DDC: variants seen among roughly 807,000 people sequenced by gnomAD.
DDC encodes dopa decarboxylase, also known as aromatic-L-amino-acid decarboxylase.
Under a neutral mutation model 60.0 loss-of-function variants are expected in DDC, and 43 were observed. The ratio of observed to expected loss-of-function variants is 0.72; its 90% CI spans 0.56 to 0.92. The LOEUF (loss-of-function observed/expected upper bound fraction) is 0.92. Ranked by LOEUF, DDC falls within the 40% of genes least tolerant of loss-of-function variation. The pLI, the probability that DDC is intolerant of heterozygous loss-of-function variation, is 0.00. For synonymous variants in DDC, 232 were observed against 234.6 expected, an observed-to-expected ratio of 0.99 and a Z score of 0.10; for missense variants, 573 against 620.2, an observed-to-expected ratio of 0.92 and a Z score of 0.81.
chr7:50,478,123 G>A (rs2042688889), intron 10 of DDC, among the ~76,000 whole-genome samples: 1 of 152,070 alleles, frequency 6.6e-6, no homozygotes, highest in Non-Finnish European at 1.5e-5. Context: ...TGAAGTGGGA[G>A]GATCACTTGA....
intron 6 of DDC, among the ~76,000 whole-genome samples, chr7:50,518,020 G>A (rs754285677): frequency 3.3e-5 from 5 of 151,426 alleles, no homozygotes; most frequent in South Asian, 4.2e-4. Context: ...AGATGCTGGC[G>A]AACATGGTGA....
At chr7:50,556,334 A>G (rs1349147009) in intron 1 of DDC, among the ~76,000 whole-genome samples, 2 of 152,142 alleles carry the variant, frequency 1.3e-5, no homozygotes, top group African/African-American at 4.8e-5. Flanking sequence ...CCTTCTCTCT[A>G]TGTCCTCACA....
At chr7:50,488,434 G>C (rs2042931269) in intron 9 of DDC, among the ~76,000 whole-genome samples, 2 of 151,810 alleles carry the variant, frequency 1.3e-5, no homozygotes, top group Admixed American at 1.3e-4. Context: ...AATATTAAGT[G>C]GTATTTTTGG....
At chr7:50,535,554 C>T (rs1410238648) in intron 4 of DDC, among the ~76,000 whole-genome samples, 3 of 152,212 alleles carry the variant, frequency 2.0e-5, no homozygotes, top group Non-Finnish European at 4.4e-5. Flanking sequence ...TGAGCCTGGC[C>T]ACAGGGCCTG....
intron 6 of DDC, among the ~76,000 whole-genome samples, chr7:50,520,890 T>A (rs1030931436): frequency 6.7e-6 from 1 of 149,770 alleles, no homozygotes; most frequent in African/African-American, 2.5e-5. Flanking sequence ...AGAGTAAGAC[T>A]CTGTCTCAGA....
In DDC at chr7:50,553,351, TA is replaced by T. The variant is rs113133464; in HGVS notation, c.-28-9239del. Among the ~76,000 whole-genome samples, 271 of 152,306 alleles carry T rather than the reference TA, an allele frequency of 1.8e-3. 3 individuals carry two copies. Among genetic ancestry groups the T allele is most frequent in the African/African-American group, 6.2e-3 (257 of 41,566 alleles). ...CATAGTTTATGTCTCAGAAAACACG[TA>T]AGCTTTTGGGCCTGAGGCTCTGGCT... On this transcript the variant is annotated intron_variant, in intron 1 of 14. Transcript: ENST00000444124.
At chr7:50,553,466 TTTTCTTTTC>T (rs2045077006) in intron 1 of DDC, among the ~76,000 whole-genome samples, 1 of 146,972 alleles carries the variant, frequency 6.8e-6, no homozygotes, top group African/African-American at 2.5e-5. Flanking sequence ...TCTTTTTTTC[TTTTCTTTTC>T]TTTCTTTTCT....
At chr7:50,528,064 T>A (rs889322516) in intron 6 of DDC, 73 bp downstream of exon 6, 6 of 1,414,358 alleles carry the variant, frequency 4.2e-6, no homozygotes, top group Admixed American at 3.8e-5. Context: ...GCCCGGCTAA[T>A]TTTTTTTTGT....
chr7:50,529,039 G>C (rs1351221811), intron 5 of DDC, among the ~76,000 whole-genome samples, 169 bp downstream of exon 5: 1 of 152,152 alleles, frequency 6.6e-6, no homozygotes, highest in Non-Finnish European at 1.5e-5. Flanking sequence ...GATCTATCCA[G>C]TTCCCACCCA....
intron 1 of DDC, among the ~76,000 whole-genome samples, chr7:50,545,224 C>T (rs1181522164): frequency 6.6e-6 from 1 of 152,216 alleles, no homozygotes; most frequent in Non-Finnish European, 1.5e-5. Flanking sequence ...GCACATTCTC[C>T]ACTACGCTAC....
intron 8 of DDC, among the ~76,000 whole-genome samples, chr7:50,496,366 G>A (rs931499760): frequency 1.3e-5 from 2 of 152,122 alleles, no homozygotes; most frequent in Non-Finnish European, 2.9e-5. Context: ...TGGGATTACA[G>A]GTGTGAGCCA....
intron 9 of DDC, among the ~76,000 whole-genome samples, chr7:50,491,221 A>G (rs2042991166): frequency 6.6e-6 from 1 of 152,230 alleles, no homozygotes; most frequent in Admixed American, 6.5e-5. Flanking sequence ...TTATATACGT[A>G]AATCACTTTC....
chr7:50,465,642 G>C (rs2042378647), intron 13 of DDC, among the ~76,000 whole-genome samples: 1 of 152,210 alleles, frequency 6.6e-6, no homozygotes, highest in African/African-American at 2.4e-5. Context: ...AAAATGCTGG[G>C]ATTACAGGCG....
At chr7:50,512,216 C>A (rs2043599259) in intron 6 of DDC, among the ~76,000 whole-genome samples, 1 of 151,902 alleles carries the variant, frequency 6.6e-6, no homozygotes, top group South Asian at 2.1e-4. Flanking sequence ...ATGCTAACAC[C>A]AATGAAAATA....
In DDC at chr7:50,496,606, T is replaced by G. The variant is rs2043132668; in HGVS notation, c.877-1189A>C. 3.9e-5 allele frequency among the ~76,000 whole-genome samples: 6 copies of G among 152,164 alleles called. No individual in the cohort carries two copies. In the South Asian group the frequency reaches 1.2e-3, roughly 32 times the overall value. On this transcript the variant is annotated intron_variant, in intron 8 of 14. Transcript: ENST00000444124. ...CTGAGCTGTCATAAATGGTGCTTTC[T>G]TTTTCAAATGCATGTCCTGGTTTAT...
chr7:50,487,509 T>C (rs1397121620), intron 9 of DDC, among the ~76,000 whole-genome samples: 3 of 152,256 alleles, frequency 2.0e-5, no homozygotes, highest in African/African-American at 7.2e-5. Context: ...TTCTATTTAA[T>C]CTTTTTTTTT....
chr7:50,510,549 A>G (rs1340022897), intron 6 of DDC, among the ~76,000 whole-genome samples: 1 of 151,438 alleles, frequency 6.6e-6, no homozygotes, highest in Non-Finnish European at 1.5e-5. Flanking sequence ...CACATCTGTA[A>G]TTCTAGCTAT....
At chr7:50,553,856 T>G (rs2045093849) in intron 1 of DDC, among the ~76,000 whole-genome samples, 1 of 152,152 alleles carries the variant, frequency 6.6e-6, no homozygotes, top group South Asian at 2.1e-4. Flanking sequence ...GAGAAATGCT[T>G]CCAAGCAAGA....
chr7:50,545,569 T>C (rs865851576), intron 1 of DDC, among the ~76,000 whole-genome samples: 40 of 152,240 alleles, frequency 2.6e-4, no homozygotes, highest in African/African-American at 9.4e-4. Context: ...GCCTCCCGGG[T>C]TCAAGTGATT....
Sources: allele counts gnomAD v4.1 joint callset (sites outside exome capture counted in the v4.1 genomes callset), GRCh38; gene constraint gnomAD v4.1.1; transcripts MANE v1.5; gene names NCBI Gene and HGNC (gene_info 2026-07-23, HGNC 2026-07-21).